FNDC3B: variants seen among roughly 807,000 people sequenced by gnomAD.
The protein encoded by FNDC3B is fibronectin type III domain containing 3B, also known as fibronectin type III domain-containing protein 3B.
Under a neutral mutation model 151.5 loss-of-function variants are expected in FNDC3B, and 12 were observed. That is an observed-to-expected ratio of 0.08 (90% CI 0.05 to 0.13). The LOEUF is 0.13. Ranked by LOEUF, FNDC3B falls within the 10% of genes least tolerant of loss-of-function variation. FNDC3B has a pLI of 1.00. For missense variants in FNDC3B, 1,214 were observed against 1,505.3 expected (o/e 0.81, Z 3.20); for synonymous variants, 528 against 549.0 (o/e 0.96, Z 0.54).
At chr3:172,065,919 C>G (rs1717474558) in intron 1 of FNDC3B, among the ~76,000 whole-genome samples, 1 of 151,994 alleles carries the variant, frequency 6.6e-6, no homozygotes, top group South Asian at 2.1e-4. Context: ...ATTTGGAATA[C>G]TGTTGTTCTT....
rs1719892112 is a variant in FNDC3B, at chr3:172,110,245, A to T, written c.-28-2207A>T. On this transcript the variant is annotated intron_variant, in intron 1 of 25. Transcript: ENST00000415807. Reference sequence around the variant, plus strand: ...TACCAGATCACAACTGTCTTCTCTTACTCAGTTCAACCTCCCCATTCCCTC... The same window carrying T: ...TACCAGATCACAACTGTCTTCTCTTTCTCAGTTCAACCTCCCCATTCCCTC... 3.3e-5 allele frequency among the ~76,000 whole-genome samples: 5 copies of T among 152,288 alleles called. No individual in the cohort carries two copies. The South Asian group carries it at 1.0e-3, about 32-fold the overall frequency.
intron 19 of FNDC3B, among the ~76,000 whole-genome samples, chr3:172,345,545 G>A (rs754349059): frequency 5.9e-5 from 9 of 152,016 alleles, no homozygotes; most frequent in African/African-American, 9.7e-5. Flanking sequence ...CAACTCCCCA[G>A]CATCTTTGCA....
At chr3:172,357,654 T>C (rs1333064315) in intron 22 of FNDC3B, among the ~76,000 whole-genome samples, 1 of 152,188 alleles carries the variant, frequency 6.6e-6, no homozygotes, top group African/African-American at 2.4e-5. Context: ...TTCAGCTGTC[T>C]CAGCCTCCTG....
intron 11 of FNDC3B, among the ~76,000 whole-genome samples, chr3:172,323,947 C>CCCCAAAGGTGATGACTTCCT (rs1470634673): frequency 1.3e-5 from 2 of 152,084 alleles, no homozygotes; most frequent in African/African-American, 4.8e-5. Context: ...TGGGACTTCC[C>CCCCAAAGGTGATGACTTCCT]CCCAAAGGTG....
chr3:172,348,537 T>C, intron 21 of FNDC3B, among the ~76,000 whole-genome samples: 1 of 152,184 alleles, frequency 6.6e-6, no homozygotes, highest in Non-Finnish European at 1.5e-5. Flanking sequence ...ACACTCTTGT[T>C]TTTCTACCAA....
chr3:172,328,904 T>G, intron 11 of FNDC3B, 48 bp from the exon 12 acceptor site: 1 of 1,369,400 alleles, frequency 7.3e-7, no homozygotes, highest in African/African-American at 1.6e-5. Context: ...GGTTATCTGT[T>G]GTTTTTTTTT....
At chr3:172,249,890 T>TA in intron 5 of FNDC3B, among the ~76,000 whole-genome samples, 1 of 152,340 alleles carries the variant, frequency 6.6e-6, no homozygotes, top group East Asian at 1.9e-4. Flanking sequence ...GCAGTTTTGT[T>TA]AAATTATGCA....
chr3:172,068,926 G>A (rs1486893001), intron 1 of FNDC3B, among the ~76,000 whole-genome samples: 1 of 152,166 alleles, frequency 6.6e-6, no homozygotes, highest in Non-Finnish European at 1.5e-5. Flanking sequence ...GGTAGTGAGA[G>A]GGTAAGCAAC....
intron 1 of FNDC3B, among the ~76,000 whole-genome samples, chr3:172,041,358 G>T (rs1716038249): frequency 9.6e-6 from 1 of 104,212 alleles, no homozygotes; most frequent in South Asian, 3.1e-4. Flanking sequence ...TTTAAAAATC[G>T]TTTTCTTTCT....
intron 13 of FNDC3B, among the ~76,000 whole-genome samples, chr3:172,331,836 C>T (rs1432998909): frequency 6.6e-6 from 1 of 152,164 alleles, no homozygotes; most frequent in Non-Finnish European, 1.5e-5. Flanking sequence ...CACTGTAGAA[C>T]AGCACCACCC....
In FNDC3B at chr3:172,223,131, G is replaced by T. The variant is rs77707569; in HGVS notation, c.188-3740G>T. ...CGAAGAGAAATTAGTGTTTTAATTA[G>T]GGAAAGATTACAATAATATTGGGCA... On this transcript the variant is annotated intron_variant, in intron 3 of 25. Transcript: ENST00000415807. 8.1e-4 allele frequency among the ~76,000 whole-genome samples: 124 copies of T among 152,294 alleles called. 2 individuals carry two copies. The highest frequency in any genetic ancestry group is 2.8e-3 in the African/African-American group (117 of 41,564).
chr3:172,296,492 G>A (rs1444546178), intron 8 of FNDC3B, among the ~76,000 whole-genome samples: 1 of 152,144 alleles, frequency 6.6e-6, no homozygotes, highest in African/African-American at 2.4e-5. Flanking sequence ...GACGCCCTCA[G>A]GAGTCTCCTG....
chr3:172,056,740 T>C (rs1028085349), intron 1 of FNDC3B, among the ~76,000 whole-genome samples: 3 of 152,240 alleles, frequency 2.0e-5, no homozygotes, highest in African/African-American at 7.2e-5. Flanking sequence ...ATTTAATTGT[T>C]GGATGTATTT....
intron 3 of FNDC3B, among the ~76,000 whole-genome samples, chr3:172,191,970 C>T (rs972799370): frequency 1.3e-5 from 2 of 151,968 alleles, no homozygotes; most frequent in African/African-American, 2.4e-5. Flanking sequence ...GAAGTGTGGT[C>T]GGGGTGGTAC....
chr3:172,065,639 C>G (rs989884738), intron 1 of FNDC3B, among the ~76,000 whole-genome samples: 2 of 152,186 alleles, frequency 1.3e-5, no homozygotes, highest in Admixed American at 6.5e-5. Context: ...CTCCCTTTGG[C>G]TGTGCATTAG....
chr3:172,181,643 A>G (rs979331591), intron 3 of FNDC3B, among the ~76,000 whole-genome samples: 5 of 151,670 alleles, frequency 3.3e-5, no homozygotes, highest in African/African-American at 1.2e-4. Flanking sequence ...TGCCTGACCA[A>G]CATGGTGAAA....
chr3:172,251,604 T>C (rs1728084893), intron 6 of FNDC3B, 63 bp downstream of exon 6: 2 of 1,435,178 alleles, frequency 1.4e-6, no homozygotes, highest in Admixed American at 2.1e-5. Flanking sequence ...AAATGATGTT[T>C]CCACATCTTT....
chr3:172,340,339 G>A (rs983776828), intron 16 of FNDC3B, among the ~76,000 whole-genome samples: 2 of 145,384 alleles, frequency 1.4e-5, no homozygotes, highest in Non-Finnish European at 3.0e-5. Context: ...AGGCTGGTGT[G>A]CAACGGCGCA....
chr3:172,324,768 A>G (rs997863970), intron 11 of FNDC3B, among the ~76,000 whole-genome samples: 1 of 152,216 alleles, frequency 6.6e-6, no homozygotes, highest in Non-Finnish European at 1.5e-5. Flanking sequence ...TCAGTAGCCC[A>G]GTGGCTAGGT....
Sources: allele counts gnomAD v4.1 joint callset (sites outside exome capture counted in the v4.1 genomes callset), GRCh38; gene constraint gnomAD v4.1.1; transcripts MANE v1.5; gene names NCBI Gene and HGNC (gene_info 2026-07-23, HGNC 2026-07-21).